The following HSF2BP variants were observed in gnomAD, a reference collection of about 807,000 sequenced individuals.
HSF2BP encodes heat shock factor 2-binding protein.
In HSF2BP, 35 loss-of-function variants were observed where a neutral mutation model predicts 35.0. The ratio of observed to expected loss-of-function variants is 1.00; its 90% CI spans 0.76 to 1.32. The LOEUF (loss-of-function observed/expected upper bound fraction) is 1.32. HSF2BP is among the 40% of genes most tolerant of loss of function. The probability of loss-of-function intolerance (pLI) is 0.00; values close to 1 mark genes in which losing one functional copy is unlikely to be tolerated. For missense variants in HSF2BP, 326 were observed against 321.7 expected (o/e 1.01, Z -0.10); for synonymous variants, 114 against 117.4 (o/e 0.97, Z 0.18).
intron 7 of HSF2BP, among the ~76,000 whole-genome samples, chr21:43,600,550 C>G (rs1427473698): frequency 2.0e-5 from 3 of 152,126 alleles, no homozygotes; most frequent in Non-Finnish European, 4.4e-5. Flanking sequence ...AGAGGCCTAC[C>G]AATTTTTCAT....
At position 43,574,449 on chromosome 21, in the gene HSF2BP, C is replaced by G. The variant is rs994211523; in HGVS notation, c.796+17776G>C. On this transcript the variant is annotated intron_variant, in intron 8 of 8. Coordinates refer to ENST00000291560, the MANE Select transcript of HSF2BP (RefSeq NM_007031.2). ...CTCGGATCACCGCAAGCTCCACCTCCCGGGTTCACACCATTCTCCTGCCTC... is the reference window on the plus strand; with the variant it reads ...CTCGGATCACCGCAAGCTCCACCTCGCGGGTTCACACCATTCTCCTGCCTC... 3.9e-5 allele frequency among the ~76,000 whole-genome samples: 6 copies of G among 152,214 alleles called. No individual in the cohort carries two copies. In the South Asian group the frequency reaches 6.2e-4, roughly 16 times the overall value.
chr21:43,624,889 G>A (rs913989140), intron 6 of HSF2BP, among the ~76,000 whole-genome samples: 2 of 152,028 alleles, frequency 1.3e-5, no homozygotes, highest in African/African-American at 2.4e-5. Context: ...CAATCACATT[G>A]ATATCAATGT....
intron 8 of HSF2BP, among the ~76,000 whole-genome samples, chr21:43,590,976 C>T (rs1022664916): frequency 4.6e-5 from 7 of 152,012 alleles, no homozygotes; most frequent in African/African-American, 1.7e-4. Context: ...CAATTGTTCA[C>T]TTTAAATATA....
rs1168188772 is a variant in HSF2BP, at chr21:43,586,399, C to T, written c.796+5826G>A. On this transcript the variant is annotated intron_variant, in intron 8 of 8. Transcript: ENST00000291560. ...AGTCTAGATACTTGAAAGTAACCTG[C>T]CACCTTTACAGCAAGCAAACAAAAG... is the stretch of plus-strand genomic sequence containing the variant. Among the ~76,000 whole-genome samples, 3 of 152,126 alleles carry T rather than the reference C, an allele frequency of 2.0e-5. No homozygotes were observed. In the East Asian group the frequency reaches 5.8e-4, roughly 29 times the overall value.
chr21:43,658,398 G>A lies in HSF2BP; in HGVS notation c.-224-78C>T, dbSNP rs2082910705. The A allele has an allele frequency of 6.0e-5, 26 of 432,240 alleles. No individual in the cohort carries two copies. In the South Asian group the frequency reaches 8.7e-4, roughly 14 times the overall value. 26.8% of individuals were successfully genotyped at this position (432,240 alleles called of 1,614,324 possible). A position where few individuals can be genotyped will look rare whatever the true frequency, so the allele number is the denominator to read the frequency against. On this transcript the variant is annotated intron_variant, in intron 1 of 8. Coordinates refer to ENST00000291560, the MANE Select transcript of HSF2BP (RefSeq NM_007031.2). ...TCGGATGGGTCCTTTCCTGTTTGGCGAGGAATGCTACACTAAGGGGGACTG... is the reference window on the plus strand; with the variant it reads ...TCGGATGGGTCCTTTCCTGTTTGGCAAGGAATGCTACACTAAGGGGGACTG...
At chr21:43,641,544 TCATA>T (rs2082636765) in intron 4 of HSF2BP, among the ~76,000 whole-genome samples, 1 of 152,210 alleles carries the variant, frequency 6.6e-6, no homozygotes. Context: ...AGCTGCTTGC[TCATA>T]CATCACACTT....
At chr21:43,595,970 T>C (rs1475844427) in intron 7 of HSF2BP, among the ~76,000 whole-genome samples, 1 of 151,890 alleles carries the variant, frequency 6.6e-6, no homozygotes, top group Non-Finnish European at 1.5e-5. Flanking sequence ...TCCGCCCACC[T>C]CAGCCTCCCA....
intron 8 of HSF2BP, among the ~76,000 whole-genome samples, chr21:43,586,478 T>A (rs1005382924): frequency 6.6e-6 from 1 of 152,092 alleles, no homozygotes; most frequent in African/African-American, 2.4e-5. Flanking sequence ...AAGTCTTTTA[T>A]CCCTAAAGCA....
At chr21:43,638,612 T>C (rs1172077533) in intron 4 of HSF2BP, among the ~76,000 whole-genome samples, 1 of 152,160 alleles carries the variant, frequency 6.6e-6, no homozygotes, top group Admixed American at 6.5e-5. Context: ...AACACAAATC[T>C]AGATGCTGAA....
At chr21:43,603,617 G>C (rs2146853452) in intron 7 of HSF2BP, among the ~76,000 whole-genome samples, 1 of 152,284 alleles carries the variant, frequency 6.6e-6, no homozygotes, top group African/African-American at 2.4e-5. Context: ...GTATGGCTAA[G>C]ACTGAAAAGC....
At chr21:43,592,004 G>C (rs1458276318) in intron 8 of HSF2BP, among the ~76,000 whole-genome samples, 1 of 152,078 alleles carries the variant, frequency 6.6e-6, no homozygotes, top group Non-Finnish European at 1.5e-5. Flanking sequence ...TATTATAATT[G>C]TTCTATTTTA....
At chr21:43,608,128 C>A (rs963447253) in intron 7 of HSF2BP, among the ~76,000 whole-genome samples, 6 of 151,576 alleles carry the variant, frequency 4.0e-5, no homozygotes, top group Admixed American at 3.3e-4. Context: ...TTCTCCACAG[C>A]AAAAAAAACT....
In HSF2BP at chr21:43,656,612, G is replaced by A. The variant is rs1158727165; in HGVS notation, c.162C>T (p.Phe54=). The change falls in exon 3 of 9, where the codon TTC becomes TTT. Residue 54 remains phenylalanine, a synonymous_variant. Coordinates refer to ENST00000291560, the MANE Select transcript of HSF2BP (RefSeq NM_007031.2). ...TTTTTTCTACAATCTTTAATTTCTGGAAGCTCTCCAGCACCTCCCCATTTA... is the reference window on the plus strand; with the variant it reads ...TTTTTTCTACAATCTTTAATTTCTGAAAGCTCTCCAGCACCTCCCCATTTA... ...RILNGEVLES[F]QKLKIVEKNL... is the part of the protein sequence containing the mutation. 6.2e-6 allele frequency: 10 copies of A among 1,608,616 alleles called. No individual in the cohort carries two copies. The highest frequency in any genetic ancestry group is 8.5e-6 in the Non-Finnish European group (10 of 1,178,756).
At chr21:43,608,685 T>C (rs2082165280) in intron 7 of HSF2BP, among the ~76,000 whole-genome samples, 1 of 152,020 alleles carries the variant, frequency 6.6e-6, no homozygotes. Context: ...ATAGCAAAGA[T>C]AAGTGGTGGC....
At chr21:43,635,677 G>A (rs933299073) in intron 4 of HSF2BP, among the ~76,000 whole-genome samples, 4 of 152,136 alleles carry the variant, frequency 2.6e-5, no homozygotes, top group African/African-American at 4.8e-5. Flanking sequence ...AGCATTCTGG[G>A]AGGCTGAGGT....
intron 7 of HSF2BP, among the ~76,000 whole-genome samples, chr21:43,600,225 C>T (rs2082035650): frequency 6.6e-6 from 1 of 152,156 alleles, no homozygotes; most frequent in Non-Finnish European, 1.5e-5. Context: ...ACAACTTGAC[C>T]ACCTTATTCT....
Position 43,613,999 on chromosome 21 carries a change from G to C in HSF2BP, c.575-52C>G, listed in dbSNP as rs144209467. 8.2e-3 allele frequency: 10,651 copies of C among 1,303,856 alleles called. 89 individuals are homozygous for C. Among genetic ancestry groups the C allele is most frequent in the South Asian group, 0.022 (1,779 of 81,742 alleles). 80.8% of individuals were successfully genotyped at this position (1,303,856 alleles called of 1,614,324 possible). A position where few individuals can be genotyped will look rare whatever the true frequency, so the allele number is the denominator to read the frequency against. ...CAAGATCATTATGACTCAGAACCTA[G>C]ACAATTTTGTGCAGAACAGAGTATT... On this transcript the variant is annotated intron_variant, in intron 6 of 8. Transcript: ENST00000291560.
At chr21:43,496,120 A>C in the HSF2BP span, among the ~76,000 whole-genome samples, 2 of 135,622 alleles carry the variant, frequency 1.5e-5, no homozygotes, top group African/African-American at 5.4e-5. Context: ...AAAAGAAGTA[A>C]AATCCTCTGT....
At chr21:43,599,575 C>G (rs905174370) in intron 7 of HSF2BP, among the ~76,000 whole-genome samples, 1 of 152,074 alleles carries the variant, frequency 6.6e-6, no homozygotes, top group Non-Finnish European at 1.5e-5. Context: ...GGGCAGGTCA[C>G]TTGAGGTCAG....
Sources: allele counts gnomAD v4.1 joint callset (sites outside exome capture counted in the v4.1 genomes callset), GRCh38; gene constraint gnomAD v4.1.1; transcripts MANE v1.5; gene names NCBI Gene and HGNC (gene_info 2026-07-23, HGNC 2026-07-21).